The following ESRRG variants were observed in gnomAD, a reference collection of about 807,000 sequenced individuals.
The protein encoded by ESRRG is estrogen-related receptor gamma.
ESRRG carries 13 observed loss-of-function variants against 44.0 expected under a neutral mutation model. That is an observed-to-expected ratio of 0.30 (90% confidence interval 0.19 to 0.47). ESRRG has a LOEUF of 0.47. Among genes scored for constraint, ESRRG ranks in the 20% least tolerant of loss-of-function variants. The probability of loss-of-function intolerance (pLI) is 1.00; values close to 1 mark genes in which losing one functional copy is unlikely to be tolerated. For synonymous variants in ESRRG, 215 were observed against 214.6 expected (o/e 1.00, Z -0.02); for missense variants, 395 against 580.6 (o/e 0.68, Z 3.29).
intron 1 of ESRRG, among the ~76,000 whole-genome samples, chr1:216,697,726 G>T (rs2080466850): frequency 6.6e-6 from 1 of 152,204 alleles, no homozygotes; most frequent in Non-Finnish European, 1.5e-5. Flanking sequence ...CAGATTCCAT[G>T]TGGATAACAA....
At chr1:216,687,475 G>A (rs573921586) in intron 1 of ESRRG, among the ~76,000 whole-genome samples, 5 of 152,110 alleles carry the variant, frequency 3.3e-5, no homozygotes, top group Non-Finnish European at 7.4e-5. Flanking sequence ...TTTTTGGAGT[G>A]ATTTTTTCCC....
chr1:216,869,879 T>C (rs2096235554), intron 2 of ESRRG, among the ~76,000 whole-genome samples: 1 of 152,014 alleles, frequency 6.6e-6, no homozygotes, highest in Non-Finnish European at 1.5e-5. Context: ...ATGCAATGAT[T>C]TTTGTATGTT....
chr1:216,743,653 T>TATC (rs2091027327), intron 2 of ESRRG, among the ~76,000 whole-genome samples: 1 of 143,368 alleles, frequency 7.0e-6, no homozygotes, highest in African/African-American at 2.6e-5. Flanking sequence ...TCTTCACTGT[T>TATC]GTCATCATCA....
At chr1:216,696,033 C>T (rs2080092090) in intron 1 of ESRRG, among the ~76,000 whole-genome samples, 1 of 152,204 alleles carries the variant, frequency 6.6e-6, no homozygotes, top group Admixed American at 6.5e-5. Context: ...CACCACATCT[C>T]ACAGTGTATG....
chr1:216,741,487 T>G, intron 2 of ESRRG, among the ~76,000 whole-genome samples: 1 of 134,872 alleles, frequency 7.4e-6, no homozygotes, highest in Non-Finnish European at 1.5e-5. Flanking sequence ...CATATACCTC[T>G]TTTCCAGATG....
chr1:216,529,674 C>T (rs1262311125), intron 5 of ESRRG, among the ~76,000 whole-genome samples: 1 of 152,074 alleles, frequency 6.6e-6, no homozygotes, highest in Non-Finnish European at 1.5e-5. Flanking sequence ...TTCACTATTT[C>T]TAACTCAAAA....
At chr1:217,070,520 A>G (rs192313656) in intron 1 of ESRRG, among the ~76,000 whole-genome samples, 58 of 152,150 alleles carry the variant, frequency 3.8e-4, no homozygotes, top group African/African-American at 1.3e-3. Context: ...AGCTGGGATT[A>G]TAGGCATGTG....
upstream of ESRRG, among the ~76,000 whole-genome samples, chr1:216,726,482 G>A (rs2087543232): frequency 1.3e-5 from 2 of 152,046 alleles, no homozygotes; most frequent in Admixed American, 1.3e-4. Flanking sequence ...AATGTGCCAT[G>A]AGTAATACTG....
intron 1 of ESRRG, chr1:216,959,776 A>C (rs190317637): frequency 6.6e-6 from 1 of 152,256 alleles, no homozygotes; most frequent in East Asian, 1.9e-4. Context: ...TCATAGAACA[A>C]AGTGAAAAAT....
intron 1 of ESRRG, among the ~76,000 whole-genome samples, chr1:216,693,075 T>A (rs2079382862): frequency 1.3e-5 from 2 of 152,246 alleles, no homozygotes; most frequent in African/African-American, 4.8e-5. Flanking sequence ...TTTCCTTCTC[T>A]CTGGAATTCA....
intron 5 of ESRRG, among the ~76,000 whole-genome samples, chr1:216,534,841 C>T (rs546644008): frequency 9.2e-5 from 14 of 152,242 alleles, no homozygotes; most frequent in Non-Finnish European, 1.5e-4. Context: ...CTGATGCCCT[C>T]GGTCCTTTTG....
intron 1 of ESRRG, among the ~76,000 whole-genome samples, chr1:217,114,977 T>C (rs2092705132): frequency 6.6e-6 from 1 of 152,084 alleles, no homozygotes; most frequent in Admixed American, 6.5e-5. Context: ...TTTTTCTAGT[T>C]AACAGTGTCT....
At chr1:217,046,176 A>T (rs903814482) in intron 1 of ESRRG, among the ~76,000 whole-genome samples, 1 of 152,078 alleles carries the variant, frequency 6.6e-6, no homozygotes, top group East Asian at 1.9e-4. Context: ...AAAAAAAAAA[A>T]CCTAAAATTA....
At chr1:217,085,650 C>T (rs1206564980) in intron 1 of ESRRG, among the ~76,000 whole-genome samples, 1 of 151,730 alleles carries the variant, frequency 6.6e-6, no homozygotes, top group East Asian at 1.9e-4. Flanking sequence ...ACCACCACAC[C>T]CAGCTAATTT....
At chr1:216,593,803 G>A (rs1573741847) in intron 3 of ESRRG, among the ~76,000 whole-genome samples, 3 of 152,266 alleles carry the variant, frequency 2.0e-5, no homozygotes, top group Non-Finnish European at 1.5e-5. Context: ...GCAGTGATAC[G>A]ATCATGGCTT....
chr1:217,087,715 G>A lies in ESRRG; in HGVS notation c.-106+1792C>T, dbSNP rs552476965. On this transcript the variant is annotated intron_variant, in intron 1 of 7. Transcript: ENST00000359162. ...TTATGTGCTATGTGATACCATTCTCGATATACACACGTTTAATTCTACTTA... is the reference window on the plus strand; with the variant it reads ...TTATGTGCTATGTGATACCATTCTCAATATACACACGTTTAATTCTACTTA... Among the ~76,000 whole-genome samples, 7 of 152,250 alleles carry A rather than the reference G, an allele frequency of 4.6e-5. No homozygotes were observed. The South Asian group carries it at 1.2e-3, about 27-fold the overall frequency.
chr1:217,081,692 C>A (rs28712022), intron 1 of ESRRG, among the ~76,000 whole-genome samples: 28,170 of 152,040 alleles, frequency 0.19, 2,815 homozygotes, highest in East Asian at 0.31. Context: ...AATCATCAAG[C>A]CTTACCCTCC....
At chr1:216,802,386 T>C (rs1160938142) in intron 2 of ESRRG, among the ~76,000 whole-genome samples, 1 of 152,064 alleles carries the variant, frequency 6.6e-6, no homozygotes, top group South Asian at 2.1e-4. Flanking sequence ...AAAGAGAGAA[T>C]TCACTGAGAA....
intron 1 of ESRRG, among the ~76,000 whole-genome samples, chr1:216,685,149 C>T (rs1182516103): frequency 1.3e-5 from 2 of 152,084 alleles, no homozygotes; most frequent in African/African-American, 4.8e-5. Flanking sequence ...TAGTACATGT[C>T]CCAGTCTTGA....
Sources: allele counts gnomAD v4.1 joint callset (sites outside exome capture counted in the v4.1 genomes callset), GRCh38; gene constraint gnomAD v4.1.1; transcripts MANE v1.5; gene names NCBI Gene and HGNC (gene_info 2026-07-23, HGNC 2026-07-21).